ENPP3: variants seen among roughly 807,000 people sequenced by gnomAD.
The protein encoded by ENPP3 is ectonucleotide pyrophosphatase/phosphodiesterase family member 3.
In ENPP3, 104 loss-of-function variants were observed where a neutral mutation model predicts 117.8. The ratio of observed to expected loss-of-function variants is 0.88; its 90% CI spans 0.75 to 1.04. The LOEUF (loss-of-function observed/expected upper bound fraction) is 1.04. ENPP3 is among the 50% of genes least tolerant of loss of function. The pLI, the probability that ENPP3 is intolerant of heterozygous loss-of-function variation, is 0.00. For synonymous variants in ENPP3, 380 were observed against 349.9 expected, an observed-to-expected ratio of 1.09 and a Z score of -0.96; for missense variants, 1,026 against 1,051.9, an observed-to-expected ratio of 0.98 and a Z score of 0.34.
intron 5 of ENPP3, among the ~76,000 whole-genome samples, chr6:131,653,999 C>CT (rs1433736393): frequency 1.3e-5 from 2 of 152,054 alleles, no homozygotes; most frequent in Non-Finnish European, 2.9e-5. Context: ...CCCCTCTGCC[C>CT]TTCACACTTT....
intron 5 of ENPP3, among the ~76,000 whole-genome samples, chr6:131,655,111 T>C (rs1269842546): frequency 6.6e-6 from 1 of 152,162 alleles, no homozygotes; most frequent in Non-Finnish European, 1.5e-5. Flanking sequence ...CAAGAAATCG[T>C]TAATATTTTT....
At chr6:131,647,322 G>A (rs1295923894) in intron 2 of ENPP3, among the ~76,000 whole-genome samples, 1 of 152,096 alleles carries the variant, frequency 6.6e-6, no homozygotes, top group Non-Finnish European at 1.5e-5. Context: ...TGCTTATAAT[G>A]TTATTTTATG....
chr6:131,684,215 T>G (rs912123646), intron 12 of ENPP3, among the ~76,000 whole-genome samples: 1 of 152,086 alleles, frequency 6.6e-6, no homozygotes, highest in Non-Finnish European at 1.5e-5. Flanking sequence ...GGAAGAAAAA[T>G]AGTGTGTCTG....
At chr6:131,710,926 C>G in intron 15 of ENPP3, 1 of 1,591,054 alleles carries the variant, frequency 6.3e-7, no homozygotes, top group Non-Finnish European at 8.5e-7. Context: ...CTCATCTGGT[C>G]TCATACTCTC....
At chr6:131,695,860 G>A (rs927881787) in intron 15 of ENPP3, among the ~76,000 whole-genome samples, 9 of 152,180 alleles carry the variant, frequency 5.9e-5, no homozygotes, top group East Asian at 5.8e-4. Flanking sequence ...AGGTTGCAGT[G>A]AGCCAAGATC....
At chr6:131,652,096 A>G (rs1409189340) in intron 3 of ENPP3, among the ~76,000 whole-genome samples, 1 of 152,230 alleles carries the variant, frequency 6.6e-6, no homozygotes, top group Admixed American at 6.5e-5. Context: ...ACTGAGAAGT[A>G]CCTTGATCTG....
rs576958908 is a variant in ENPP3 at position 131,730,848 on chromosome 6, G to A, written c.1954-2740G>A. ...GAGAATCAGTTGAACCCAGGAGGCAGAGGTAGCAGTGAGCCAAGATTGTGC... is the reference window on the plus strand; with the variant it reads ...GAGAATCAGTTGAACCCAGGAGGCAAAGGTAGCAGTGAGCCAAGATTGTGC... On this transcript the variant is annotated intron_variant, in intron 20 of 24. Coordinates refer to ENST00000357639, the MANE Select transcript of ENPP3 (RefSeq NM_005021.5). Among the ~76,000 whole-genome samples, 65 of 151,288 alleles carry A rather than the reference G, an allele frequency of 4.3e-4. 1 individual carries two copies. In the South Asian group the frequency reaches 0.013, roughly 31 times the overall value.
chr6:131,638,164 C>T (rs1429270950), intron 1 of ENPP3, among the ~76,000 whole-genome samples: 2 of 152,126 alleles, frequency 1.3e-5, no homozygotes, highest in East Asian at 3.9e-4. Flanking sequence ...TGTACTGAGT[C>T]CCTGACTCAA....
chr6:131,651,138 T>C (rs1778253758), intron 3 of ENPP3, among the ~76,000 whole-genome samples: 1 of 152,098 alleles, frequency 6.6e-6, no homozygotes, highest in Non-Finnish European at 1.5e-5. Context: ...CAGGCTGGTG[T>C]TGAACTTCTG....
intron 11 of ENPP3, among the ~76,000 whole-genome samples, chr6:131,681,478 A>G (rs1321805080): frequency 1.3e-5 from 2 of 151,826 alleles, no homozygotes; most frequent in African/African-American, 2.4e-5. Flanking sequence ...TCTTTCCCCA[A>G]TCCATTGCTA....
At chr6:131,690,297 T>G (rs1488018229) in intron 14 of ENPP3, among the ~76,000 whole-genome samples, 1 of 152,162 alleles carries the variant, frequency 6.6e-6, no homozygotes, top group Admixed American at 6.5e-5. Context: ...GCAGCCACCT[T>G]CATTTCTGTC....
At chr6:131,668,337 C>CA (rs1562439415) in intron 6 of ENPP3, among the ~76,000 whole-genome samples, 2 of 148,664 alleles carry the variant, frequency 1.3e-5, no homozygotes, top group African/African-American at 4.9e-5. Flanking sequence ...CTCGCCCCCC[C>CA]CTGAGGATCT....
chr6:131,694,633 G>A (rs1409625767), intron 15 of ENPP3, among the ~76,000 whole-genome samples: 5 of 151,926 alleles, frequency 3.3e-5, no homozygotes, highest in African/African-American at 1.2e-4. Context: ...CCAGGAGTTC[G>A]AGACCAGCCT....
intron 15 of ENPP3, among the ~76,000 whole-genome samples, chr6:131,711,342 T>C (rs1375552442): frequency 6.8e-6 from 1 of 147,108 alleles, no homozygotes; most frequent in Non-Finnish European, 1.5e-5. Flanking sequence ...ACTTTTAAAA[T>C]TGCTGTCTTC....
intron 24 of ENPP3, among the ~76,000 whole-genome samples, chr6:131,741,920 T>C (rs548566114): frequency 7.7e-4 from 118 of 152,284 alleles, no homozygotes; most frequent in African/African-American, 2.7e-3. Context: ...CTGTGCACTA[T>C]AGGAGGTGCT....
At chr6:131,639,323 G>A (rs1237165645) in intron 1 of ENPP3, among the ~76,000 whole-genome samples, 1 of 138,812 alleles carries the variant, frequency 7.2e-6, no homozygotes, top group East Asian at 2.1e-4. Context: ...CTGTTGCCCA[G>A]GCTGGAAGAC....
Position 131,685,374 on chromosome 6 carries a change from G to T in ENPP3, c.1131G>T (p.Gln377His). ...IILLADHGMD[Q>H]TYCNKMEYMT... ...TATTTTTTTATTCAGGAATGGACCA[G>T]ACTTATTGTAACAAGATGGAATACA... The change falls in exon 13 of 25, where the codon CAG becomes CAT. Residue 377 changes from glutamine to histidine, a missense_variant. By Grantham distance (24) the Gln-to-His change is conservative. Transcript: ENST00000357639. 6.2e-7 allele frequency: 1 copy of T among 1,611,232 alleles called. No individual in the cohort carries two copies. The highest frequency in any genetic ancestry group is 1.1e-5 in the South Asian group (1 of 90,878).
intron 2 of ENPP3, among the ~76,000 whole-genome samples, chr6:131,641,910 T>A (rs914609271): frequency 2.7e-5 from 4 of 147,388 alleles, no homozygotes; most frequent in Non-Finnish European, 5.9e-5. Context: ...CTCCCATACT[T>A]GAGCCTCCCA....
At chr6:131,746,613 C>G (rs1477362697) in intron 24 of ENPP3, among the ~76,000 whole-genome samples, 173 bp from the exon 25 acceptor site, 1 of 152,054 alleles carries the variant, frequency 6.6e-6, no homozygotes, top group Non-Finnish European at 1.5e-5. Flanking sequence ...TTATAGTATA[C>G]TTTGTACTTG....
Sources: gnomAD v4.1 joint callset for allele counts (sites outside exome capture counted in the v4.1 genomes callset) on GRCh38, gnomAD v4.1.1 for gene constraint, MANE v1.5 for transcripts, NCBI Gene and HGNC (gene_info 2026-07-23, HGNC 2026-07-21) for gene names.